MZT1: variants seen among roughly 807,000 people sequenced by gnomAD.
The protein encoded by MZT1 is mitotic-spindle organizing protein 1.
Under a neutral mutation model 8.5 loss-of-function variants are expected in MZT1, and 8 were observed. That is an observed-to-expected ratio of 0.94 (90% CI 0.55 to 1.70). The LOEUF (loss-of-function observed/expected upper bound fraction) is 1.70, where lower values mean the gene tolerates loss of function less well. Ranked by LOEUF, MZT1 falls within the 40% of genes most tolerant of loss-of-function variation. MZT1 has a pLI of 0.00. For missense variants in MZT1, 93 were observed against 108.6 expected, an observed-to-expected ratio of 0.86 and a Z score of 0.64; for synonymous variants, 38 against 42.0, an observed-to-expected ratio of 0.90 and a Z score of 0.37.
At chr13:72,718,113 T>C (rs1458016789) in intron 2 of MZT1, among the ~76,000 whole-genome samples, 2 of 152,216 alleles carry the variant, frequency 1.3e-5, no homozygotes, top group South Asian at 2.1e-4. Flanking sequence ...CTACTATACA[T>C]ATTTAACCAA....
intron 1 of MZT1, among the ~76,000 whole-genome samples, chr13:72,719,694 T>C (rs561383299): frequency 6.6e-6 from 1 of 152,226 alleles, no homozygotes; most frequent in Non-Finnish European, 1.5e-5. Context: ...GAAACTTTTA[T>C]AACAATTTGA....
At chr13:72,719,705 C>A (rs1388641821) in intron 1 of MZT1, among the ~76,000 whole-genome samples, 1 of 152,170 alleles carries the variant, frequency 6.6e-6, no homozygotes, top group Non-Finnish European at 1.5e-5. Context: ...AACAATTTGA[C>A]AGCGTAATCA....
At chr13:72,723,549 C>A (rs2032609730) in intron 1 of MZT1, among the ~76,000 whole-genome samples, 1 of 152,082 alleles carries the variant, frequency 6.6e-6, no homozygotes, top group African/African-American at 2.4e-5. Context: ...TACCTTCAGG[C>A]TATGTGTATA....
At chr13:72,725,896 T>C (rs2032647311) in intron 1 of MZT1, among the ~76,000 whole-genome samples, 1 of 152,140 alleles carries the variant, frequency 6.6e-6, no homozygotes, top group African/African-American at 2.4e-5. Context: ...TTTATATTTA[T>C]ATACACACAC....
chr13:72,721,149 G>A lies in MZT1; in HGVS notation c.80-2052C>T, dbSNP rs545289519. On this transcript the variant is annotated intron_variant, in intron 1 of 2. Transcript: ENST00000377818. ...GTACTTAGAATTTTACTTAGGTACC[G>A]GATAGTTTTGTATTTCTAATTCTTG... Among the ~76,000 whole-genome samples, 8 of 152,246 alleles carry A rather than the reference G, an allele frequency of 5.3e-5. No individual in the cohort carries two copies. The South Asian group carries it at 6.2e-4, about 12-fold the overall frequency.
At chr13:72,724,296 A>G (rs2032618145) in intron 1 of MZT1, among the ~76,000 whole-genome samples, 1 of 152,080 alleles carries the variant, frequency 6.6e-6, no homozygotes, top group Non-Finnish European at 1.5e-5. Flanking sequence ...TTGATAAAAG[A>G]CTGGTGGGTA....
chr13:72,710,844 C>A (rs1016071392), intron 2 of MZT1, among the ~76,000 whole-genome samples: 3 of 152,136 alleles, frequency 2.0e-5, no homozygotes, highest in African/African-American at 7.2e-5. Flanking sequence ...GATACCATAT[C>A]ATCAATAAAT....
rs191123031 is a variant in MZT1 at position 72,725,239 on chromosome 13, G to A, written c.79+2285C>T. On this transcript the variant is annotated intron_variant, in intron 1 of 2. Transcript: ENST00000377818. Reference sequence around the variant, plus strand: ...GAGGCAACCATACACAGTGGGTTGCGAGGGGGGTGTTGTTGAAAAGGCACG... The same window carrying A: ...GAGGCAACCATACACAGTGGGTTGCAAGGGGGGTGTTGTTGAAAAGGCACG... 3.9e-5 allele frequency among the ~76,000 whole-genome samples: 6 copies of A among 152,192 alleles called. No individual in the cohort carries two copies. The East Asian group carries it at 7.7e-4, about 20-fold the overall frequency.
intron 1 of MZT1, among the ~76,000 whole-genome samples, chr13:72,722,032 G>A (rs1327488090): frequency 6.6e-6 from 1 of 152,106 alleles, no homozygotes. Flanking sequence ...ATAACTAAAT[G>A]CTTATTTATA....
At chr13:72,711,306 T>C (rs1316371930) in intron 2 of MZT1, among the ~76,000 whole-genome samples, 5 of 152,182 alleles carry the variant, frequency 3.3e-5, no homozygotes, top group Non-Finnish European at 4.4e-5. Flanking sequence ...TAATTAACAA[T>C]CCTATTTATG....
At chr13:72,720,624 C>T (rs2032583289) in intron 1 of MZT1, among the ~76,000 whole-genome samples, 1 of 152,178 alleles carries the variant, frequency 6.6e-6, no homozygotes, top group Admixed American at 6.5e-5. Context: ...CGCAGTGGCT[C>T]ACGCCTGTAA....
chr13:72,715,467 T>G (rs939904214), intron 2 of MZT1, among the ~76,000 whole-genome samples: 1 of 152,166 alleles, frequency 6.6e-6, no homozygotes, highest in Non-Finnish European at 1.5e-5. Flanking sequence ...TGATTGTATG[T>G]TGCAATGTGA....
At chr13:72,712,747 C>G (rs1309713748) in intron 2 of MZT1, among the ~76,000 whole-genome samples, 1 of 152,172 alleles carries the variant, frequency 6.6e-6, no homozygotes, top group Admixed American at 6.5e-5. Context: ...TGCCAAAGCA[C>G]TTGTCAGTCA....
intron 1 of MZT1, among the ~76,000 whole-genome samples, chr13:72,719,353 T>C (rs895254942): frequency 6.6e-6 from 1 of 152,194 alleles, no homozygotes; most frequent in African/African-American, 2.4e-5. Flanking sequence ...TTGTTTAATA[T>C]CTAACATGTA....
chr13:72,723,412 C>G (rs537839110), intron 1 of MZT1, among the ~76,000 whole-genome samples: 1 of 152,228 alleles, frequency 6.6e-6, no homozygotes, highest in Admixed American at 6.5e-5. Context: ...CCGCAAAATC[C>G]AAAACTTATT....
Position 72,710,246 on chromosome 13 carries a change from T to C in MZT1, c.*76A>G, listed in dbSNP as rs531502324. ...ACTGCTGCATGCAGTAATTTCATTG[T>C]ACATTCTCAACTACAATGCAATCTT... On this transcript the variant is annotated 3_prime_UTR_variant, in exon 3 of 3. Transcript: ENST00000377818. 7 of 1,481,472 alleles carry C rather than the reference T, an allele frequency of 4.7e-6. No homozygotes were observed. The highest frequency in any genetic ancestry group is 6.6e-6 in the Non-Finnish European group (7 of 1,066,804). The allele number at this position is 1,481,472 out of a possible 1,614,324, so 91.8% of individuals were successfully genotyped here.
chr13:72,717,882 C>T (rs1313669529), intron 2 of MZT1, among the ~76,000 whole-genome samples: 1 of 152,122 alleles, frequency 6.6e-6, no homozygotes, highest in Non-Finnish European at 1.5e-5. Context: ...TCAAGGAAAT[C>T]TAGTCTTTTT....
chr13:72,722,319 G>A (rs1251105881), intron 1 of MZT1, among the ~76,000 whole-genome samples: 2 of 152,182 alleles, frequency 1.3e-5, no homozygotes, highest in Non-Finnish European at 2.9e-5. Context: ...GAGAATTAAA[G>A]GATACACTTA....
chr13:72,717,540 T>C (rs2032547897), intron 2 of MZT1, among the ~76,000 whole-genome samples: 1 of 152,096 alleles, frequency 6.6e-6, no homozygotes, highest in African/African-American at 2.4e-5. Context: ...AGTTTCATTA[T>C]GTTGGTCAGG....
Sources: gnomAD v4.1 joint callset for allele counts (sites outside exome capture counted in the v4.1 genomes callset) on GRCh38, gnomAD v4.1.1 for gene constraint, MANE v1.5 for transcripts, NCBI Gene and HGNC (gene_info 2026-07-23, HGNC 2026-07-21) for gene names.